The following STAU2 variants were observed in gnomAD, a reference collection of about 807,000 sequenced individuals.
STAU2 encodes double-stranded RNA-binding protein Staufen homolog 2.
A neutral mutation model predicts 65.9 loss-of-function variants in STAU2; 20 were observed. That is an observed-to-expected ratio of 0.30 (90% CI 0.21 to 0.44). The LOEUF (loss-of-function observed/expected upper bound fraction) is 0.44. STAU2 is among the 20% of genes least tolerant of loss of function. The pLI, the probability that STAU2 is intolerant of heterozygous loss-of-function variation, is 1.00. For synonymous variants in STAU2, 232 were observed against 233.9 expected (o/e 0.99, Z 0.07); for missense variants, 558 against 683.9 (o/e 0.82, Z 2.05).
chr8:73,681,771 G>C (rs1818452196), intron 5 of STAU2, among the ~76,000 whole-genome samples: 1 of 152,098 alleles, frequency 6.6e-6, no homozygotes, highest in Non-Finnish European at 1.5e-5. Flanking sequence ...TGAAGGTAAA[G>C]GGGTAGAAAG....
At chr8:73,577,263 C>T (rs539887611) in intron 12 of STAU2, among the ~76,000 whole-genome samples, 6 of 152,020 alleles carry the variant, frequency 3.9e-5, no homozygotes, top group Non-Finnish European at 8.8e-5. Flanking sequence ...CCCGTCTCTA[C>T]TAAAAATACA....
chr8:73,631,558 T>G (rs901188534), intron 6 of STAU2, among the ~76,000 whole-genome samples: 2 of 152,170 alleles, frequency 1.3e-5, no homozygotes, highest in African/African-American at 4.8e-5. Context: ...TTAAAAATTG[T>G]AAAGGCCATT....
intron 13 of STAU2, among the ~76,000 whole-genome samples, chr8:73,543,113 T>C (rs1459634634): frequency 6.6e-6 from 1 of 152,204 alleles, no homozygotes; most frequent in Non-Finnish European, 1.5e-5. Context: ...AAACTACTGA[T>C]ACATGGAACA....
At chr8:73,711,896 T>C (rs1729815536) in intron 3 of STAU2, among the ~76,000 whole-genome samples, 1 of 152,112 alleles carries the variant, frequency 6.6e-6, no homozygotes, top group African/African-American at 2.4e-5. Context: ...TAGGAAATAA[T>C]TAGTCATAGT....
At chr8:73,479,484 A>G (rs1367045465) in intron 13 of STAU2, among the ~76,000 whole-genome samples, 1 of 151,146 alleles carries the variant, frequency 6.6e-6, no homozygotes, top group Non-Finnish European at 1.5e-5. Context: ...ACACACACAC[A>G]CACACACACA....
intron 13 of STAU2, among the ~76,000 whole-genome samples, chr8:73,468,705 T>A (rs1403851511): frequency 1.3e-5 from 2 of 152,104 alleles, no homozygotes; most frequent in Non-Finnish European, 2.9e-5. Flanking sequence ...TATGAAAAAA[T>A]GCTCATCATC....
At chr8:73,630,106 A>C (rs1367485030) in intron 6 of STAU2, among the ~76,000 whole-genome samples, 1 of 152,244 alleles carries the variant, frequency 6.6e-6, no homozygotes, top group African/African-American at 2.4e-5. Context: ...CCTTGGATTA[A>C]CGTTAAACAA....
At chr8:73,450,973 G>C (rs974437468) in intron 13 of STAU2, among the ~76,000 whole-genome samples, 1 of 152,150 alleles carries the variant, frequency 6.6e-6, no homozygotes, top group African/African-American at 2.4e-5. Context: ...ACACCCTAAT[G>C]CCAGCACATG....
intron 4 of STAU2, among the ~76,000 whole-genome samples, chr8:73,704,419 G>C (rs941267581): frequency 3.3e-5 from 5 of 152,090 alleles, no homozygotes; most frequent in Admixed American, 1.3e-4. Flanking sequence ...TTAAAAAAAA[G>C]ATGGATACAG....
chr8:73,500,276 T>C (rs1201676250), intron 13 of STAU2, among the ~76,000 whole-genome samples: 1 of 151,920 alleles, frequency 6.6e-6, no homozygotes, highest in East Asian at 1.9e-4. Flanking sequence ...ATACTTTAAA[T>C]TACCTCTAGA....
Position 73,595,148 on chromosome 8 carries a change from T to C in STAU2, c.1161+18A>G. The C allele has an allele frequency of 6.3e-7, 1 of 1,587,186 alleles. No individual in the cohort carries two copies. The highest frequency in any genetic ancestry group is 8.6e-7 in the Non-Finnish European group (1 of 1,168,864). ...TATTATGACAGATAGGATACATACA[T>C]GTAAACTTAACTCTTACCTTCTCAA... On this transcript the variant is annotated intron_variant, in intron 11 of 14. Transcript: ENST00000524300.
chr8:73,440,711 GA>G (rs1818070155), intron 13 of STAU2: 1 of 152,114 alleles, frequency 6.6e-6, no homozygotes, highest in Admixed American at 6.5e-5. Context: ...CATATAACCA[GA>G]GTGATTTTTT....
Position 73,723,513 on chromosome 8 carries a change from T to C in STAU2, c.-17-14351A>G, listed in dbSNP as rs1286091644. The stretch of plus-strand genomic sequence containing the variant: ...TTATGTCCCTTGAGAACTACAATTA[T>C]TCATCTATTTGGCTGCTTGAGTGTG... On this transcript the variant is annotated intron_variant, in intron 3 of 14. Transcript: ENST00000524300. 3.9e-5 allele frequency among the ~76,000 whole-genome samples: 6 copies of C among 152,264 alleles called. No homozygotes were observed. The South Asian group carries it at 1.2e-3, about 31-fold the overall frequency.
chr8:73,747,362 C>T (rs1365860183), upstream of STAU2: 4 of 1,535,256 alleles, frequency 2.6e-6, no homozygotes, highest in East Asian at 9.8e-5. Context: ...GGTCCGCACC[C>T]TGTGCTCTGA....
At chr8:73,481,245 A>G (rs1820599839) in intron 13 of STAU2, among the ~76,000 whole-genome samples, 1 of 152,010 alleles carries the variant, frequency 6.6e-6, no homozygotes, top group Admixed American at 6.6e-5. Context: ...TTTACCACCT[A>G]GAAAACACTT....
chr8:73,528,812 T>C (rs1585939298), intron 13 of STAU2, among the ~76,000 whole-genome samples: 1 of 152,160 alleles, frequency 6.6e-6, no homozygotes, highest in African/African-American at 2.4e-5. Context: ...GTTATTCCCT[T>C]GTCTTGGGTT....
rs368114759 is a variant in STAU2, at chr8:73,541,017, A to G, written c.1530+10995T>C. On this transcript the variant is annotated intron_variant, in intron 13 of 14. Transcript: ENST00000524300. Reference sequence around the variant, plus strand: ...TTTACCCAAATTCCAGCTGACTGCTAAACTTCACATGCACAAGGGAGATCT... The same window carrying G: ...TTTACCCAAATTCCAGCTGACTGCTGAACTTCACATGCACAAGGGAGATCT... 6.4e-4 allele frequency among the ~76,000 whole-genome samples: 98 copies of G among 152,328 alleles called. No homozygotes were observed. The South Asian group carries it at 0.019, about 30-fold the overall frequency.
Position 73,744,213 on chromosome 8 carries a change from A to G in STAU2, c.-197+2570T>C, listed in dbSNP as rs551528990. Among the ~76,000 whole-genome samples the G allele has an allele frequency of 3.2e-4, 49 of 152,316 alleles. No homozygotes were observed. In the South Asian group the frequency reaches 9.5e-3, roughly 30 times the overall value. ...ATATAGAACTTGGGGAGGATTATTT[A>G]AAATCAAACGATGCACACATAAATA... On this transcript the variant is annotated intron_variant, in intron 1 of 14. Coordinates refer to ENST00000524300, the MANE Select transcript of STAU2 (RefSeq NM_001164380.2).
At chr8:73,599,838 G>A (rs1390545872) in intron 10 of STAU2, among the ~76,000 whole-genome samples, 1 of 151,996 alleles carries the variant, frequency 6.6e-6, no homozygotes, top group Non-Finnish European at 1.5e-5. Flanking sequence ...CGCAAACTCG[G>A]CTCACTGCAA....
Sources: gnomAD v4.1 joint callset for allele counts (sites outside exome capture counted in the v4.1 genomes callset) on GRCh38, gnomAD v4.1.1 for gene constraint, MANE v1.5 for transcripts, NCBI Gene and HGNC (gene_info 2026-07-23, HGNC 2026-07-21) for gene names.